SUMF1: variants seen among roughly 807,000 people sequenced by gnomAD.
The protein encoded by SUMF1 is sulfatase modifying factor 1.
Under a neutral mutation model 47.6 loss-of-function variants are expected in SUMF1, and 48 were observed. The ratio of observed to expected loss-of-function variants is 1.01; its 90% CI spans 0.80 to 1.28. The LOEUF (loss-of-function observed/expected upper bound fraction) is 1.28. Ranked by LOEUF, SUMF1 falls within the 50% of genes most tolerant of loss-of-function variation. SUMF1 has a pLI of 0.00. For missense variants in SUMF1, 571 were observed against 485.4 expected, an observed-to-expected ratio of 1.18 and a Z score of -1.66; for synonymous variants, 230 against 192.1, an observed-to-expected ratio of 1.20 and a Z score of -1.63.
At chr3:4,308,197 A>G (rs1300959090) in intron 8 of SUMF1, among the ~76,000 whole-genome samples, 1 of 152,232 alleles carries the variant, frequency 6.6e-6, no homozygotes, top group East Asian at 1.9e-4. Context: ...GAGGAAAGGT[A>G]TACAGTCCGA....
chr3:4,394,555 A>G (rs904217618), intron 7 of SUMF1, among the ~76,000 whole-genome samples: 8 of 152,166 alleles, frequency 5.3e-5, no homozygotes, highest in African/African-American at 1.4e-4. Context: ...GATAACTGTT[A>G]ATGTCCCAGC....
At chr3:4,226,260 G>GTT (rs1559587286) in intron 8 of SUMF1, among the ~76,000 whole-genome samples, 1 of 110,716 alleles carries the variant, frequency 9.0e-6, no homozygotes, top group Non-Finnish European at 1.9e-5. Flanking sequence ...TTTTTTTTTT[G>GTT]TTTCTTTTTT....
chr3:4,389,164 C>T (rs7641926), intron 7 of SUMF1, among the ~76,000 whole-genome samples: 88,455 of 151,908 alleles, frequency 0.58, 25,972 homozygotes, highest in African/African-American at 0.64. Flanking sequence ...CAAATTCTCT[C>T]AGTCTGCCTT....
intron 8 of SUMF1, among the ~76,000 whole-genome samples, chr3:4,192,961 T>C (rs1424700380): frequency 6.6e-6 from 1 of 152,144 alleles, no homozygotes; most frequent in Non-Finnish European, 1.5e-5. Context: ...GAATATTTAA[T>C]ACACATTAGC....
intron 8 of SUMF1, among the ~76,000 whole-genome samples, chr3:4,070,465 T>C (rs897824621): frequency 3.9e-5 from 6 of 152,144 alleles, no homozygotes; most frequent in African/African-American, 1.4e-4. Context: ...ATGAAGTCAT[T>C]CTTTCTAAGA....
chr3:4,433,258 AG>A (rs1307440188), intron 3 of SUMF1, among the ~76,000 whole-genome samples: 1 of 152,206 alleles, frequency 6.6e-6, no homozygotes, highest in East Asian at 1.9e-4. Flanking sequence ...AGACATGAAA[AG>A]AAATTTAAGG....
At chr3:4,401,562 C>T (rs1387832531) in intron 7 of SUMF1, among the ~76,000 whole-genome samples, 2 of 152,204 alleles carry the variant, frequency 1.3e-5, no homozygotes, top group Non-Finnish European at 2.9e-5. Flanking sequence ...TGGCTTGCTA[C>T]ATCCTCAGCA....
Position 4,301,970 on chromosome 3 carries a change from C to G in SUMF1, c.1014+74360G>C, listed in dbSNP as rs73806992. 8.7e-3 allele frequency among the ~76,000 whole-genome samples: 1,321 copies of G among 152,196 alleles called. 26 individuals carry two copies. The highest frequency in any genetic ancestry group is 0.03 in the African/African-American group (1,264 of 41,516). ...AAAGAAAAAGGTCAAGGGCAGAACC[C>G]TGAATCACACCCACTTTTCAGAAAC... On this transcript the variant is annotated intron_variant and NMD_transcript_variant, in intron 8 of 12. Coordinates refer to the SUMF1 transcript ENST00000448413.
intron 8 of SUMF1, among the ~76,000 whole-genome samples, chr3:4,223,082 TTGA>T (rs1696102299): frequency 6.6e-6 from 1 of 152,118 alleles, no homozygotes. Context: ...TATTTATGAA[TTGA>T]TGATTAATGT....
intron 8 of SUMF1, among the ~76,000 whole-genome samples, chr3:4,102,075 A>G (rs79091553): frequency 2.6e-5 from 4 of 152,180 alleles, no homozygotes; most frequent in Admixed American, 6.5e-5. Flanking sequence ...AACTGCCTCC[A>G]TGACTCAATT....
At chr3:4,186,402 T>C (rs914950215) in intron 8 of SUMF1, among the ~76,000 whole-genome samples, 3 of 151,900 alleles carry the variant, frequency 2.0e-5, no homozygotes, top group African/African-American at 7.3e-5. Flanking sequence ...TACAGAGGAG[T>C]AGAGACATAA....
chr3:4,447,757 T>A (rs1367975569), intron 3 of SUMF1, among the ~76,000 whole-genome samples: 1 of 152,194 alleles, frequency 6.6e-6, no homozygotes, highest in Admixed American at 6.5e-5. Context: ...TGACCAACAC[T>A]ACAACCCAGT....
intron 8 of SUMF1, among the ~76,000 whole-genome samples, chr3:4,141,016 A>G (rs749670687): frequency 6.6e-6 from 1 of 152,162 alleles, no homozygotes; most frequent in South Asian, 2.1e-4. Context: ...ACTGTTTAAT[A>G]CATTCACTTG....
In SUMF1 at chr3:4,139,522, C is replaced by G. The variant is rs564030810; in HGVS notation, c.1015-70777G>C. ...ATAAAATGTATAATAAACTTATATA[C>G]ATGCATGTGTGTGTGTATATATGTA... is the stretch of plus-strand genomic sequence containing the variant. On this transcript the variant is annotated intron_variant and NMD_transcript_variant, in intron 8 of 12. Transcript: ENST00000448413. Among the ~76,000 whole-genome samples the G allele has an allele frequency of 1.1e-4, 16 of 151,376 alleles. No individual in the cohort carries two copies. In the South Asian group the frequency reaches 3.3e-3, roughly 32 times the overall value.
At chr3:4,095,273 AC>A (rs1257195663) in intron 8 of SUMF1, among the ~76,000 whole-genome samples, 2 of 152,146 alleles carry the variant, frequency 1.3e-5, no homozygotes, top group African/African-American at 4.8e-5. Flanking sequence ...ACCATAGGGC[AC>A]CATAAGCAAC....
intron 8 of SUMF1, among the ~76,000 whole-genome samples, chr3:4,367,143 A>T (rs9854051): frequency 2.0e-5 from 3 of 151,850 alleles, no homozygotes; most frequent in African/African-American, 7.3e-5. Context: ...GGGGTGCCTC[A>T]CAGTTAGGCT....
intron 9 of SUMF1, among the ~76,000 whole-genome samples, chr3:4,049,202 T>A (rs959993661): frequency 2.6e-5 from 4 of 152,172 alleles, no homozygotes; most frequent in African/African-American, 9.6e-5. Context: ...TACATCATCC[T>A]AACTCCAGGA....
chr3:4,262,560 G>C (rs1036830591), intron 8 of SUMF1, among the ~76,000 whole-genome samples: 1 of 152,138 alleles, frequency 6.6e-6, no homozygotes, highest in South Asian at 2.1e-4. Flanking sequence ...TCCTGGCTCC[G>C]CTTTCCCCCA....
intron 7 of SUMF1, among the ~76,000 whole-genome samples, chr3:4,396,563 T>A (rs1701045261): frequency 6.6e-6 from 1 of 152,160 alleles, no homozygotes; most frequent in African/African-American, 2.4e-5. Context: ...TCTAGAGACC[T>A]TATAGGGTCC....
Sources: allele counts gnomAD v4.1 joint callset (sites outside exome capture counted in the v4.1 genomes callset), GRCh38; gene constraint gnomAD v4.1.1; transcripts MANE v1.5; gene names NCBI Gene and HGNC (gene_info 2026-07-23, HGNC 2026-07-21).